Variants in HSPA12A observed in about 807,000 individuals in gnomAD.
The protein encoded by HSPA12A is heat shock 70 kDa protein 12A.
Under a neutral mutation model 69.2 loss-of-function variants are expected in HSPA12A, and 28 were observed. That is an observed-to-expected ratio of 0.40 (90% CI 0.30 to 0.55). HSPA12A has a LOEUF of 0.55. HSPA12A is among the 20% of genes least tolerant of loss of function. HSPA12A has a pLI of 0.38. For synonymous variants in HSPA12A, 345 were observed against 370.5 expected (o/e 0.93, Z 0.79); for missense variants, 686 against 900.7 (o/e 0.76, Z 3.05).
At chr10:116,820,392 T>C (rs1845389736) in intron 2 of HSPA12A, among the ~76,000 whole-genome samples, 1 of 152,052 alleles carries the variant, frequency 6.6e-6, no homozygotes, top group Admixed American at 6.5e-5. Flanking sequence ...GATCACCTGG[T>C]CAGGGATGCG....
chr10:116,686,389 T>G lies in HSPA12A; in HGVS notation c.664-2427A>C, dbSNP rs1849576655. 5.9e-5 allele frequency among the ~76,000 whole-genome samples: 9 copies of G among 152,068 alleles called. No individual in the cohort carries two copies. The highest frequency in any genetic ancestry group is 5.9e-4 in the Admixed American group (9 of 15,272). On this transcript the variant is annotated intron_variant, in intron 6 of 11. Coordinates refer to ENST00000369209, the MANE Select transcript of HSPA12A (RefSeq NM_025015.3). This position sits in a 1 kb window ranked among gnomAD's most constrained non-coding sequence, Gnocchi z 4.1. The stretch of plus-strand genomic sequence containing the variant: ...AGCATAGAAGGTCCAAGGGGGAAGC[T>G]TCCACAAAACGGGGTGAGGAAGAAG...
chr10:116,707,896 T>C (rs1850307773), intron 1 of HSPA12A: 1 of 154,516 alleles, frequency 6.5e-6, no homozygotes, highest in Admixed American at 6.3e-5. Context: ...GGGACCTTTT[T>C]CAATCATAAA....
intron 2 of HSPA12A, among the ~76,000 whole-genome samples, chr10:116,772,764 G>A (rs1435899985): frequency 1.3e-5 from 2 of 151,684 alleles, no homozygotes; most frequent in African/African-American, 2.4e-5. Flanking sequence ...GTGTGATCAC[G>A]GCTCACTGCA....
At chr10:116,760,456 C>T (rs1185710938) in intron 2 of HSPA12A, among the ~76,000 whole-genome samples, 1 of 152,124 alleles carries the variant, frequency 6.6e-6, no homozygotes, top group Non-Finnish European at 1.5e-5. Context: ...GCTGTGTGAC[C>T]TTAAATAAGT....
At position 116,719,867 on chromosome 10, in the gene HSPA12A, G is replaced by C. The variant is rs542635872; in HGVS notation, c.41-12582C>G. Among the ~76,000 whole-genome samples the C allele has an allele frequency of 6.7e-4, 102 of 152,264 alleles. 2 individuals carry two copies. The South Asian group carries it at 0.02, about 30-fold the overall frequency. On this transcript the variant is annotated intron_variant, in intron 1 of 11. Coordinates refer to ENST00000369209, the MANE Select transcript of HSPA12A (RefSeq NM_025015.3). ...CCTGTCACCAGTGCCTGAGCTCCTT[G>C]TCTCTACCACATTCCAGCCCTGAGG...
At chr10:116,749,224 A>G (rs781818775) in intron 2 of HSPA12A, among the ~76,000 whole-genome samples, 10 of 152,192 alleles carry the variant, frequency 6.6e-5, no homozygotes, top group Non-Finnish European at 1.5e-4. Flanking sequence ...ATGGCTTTAA[A>G]GTCATTTTGC....
In HSPA12A at chr10:116,825,119, C is replaced by T. The variant is rs182046137; in HGVS notation, c.91+9816G>A. ...GGGGAATCACTTGGGCCTGGGAGGCCGAAGCTGCAGCGAGCTGTGATTGCA... is the reference window on the plus strand; with the variant it reads ...GGGGAATCACTTGGGCCTGGGAGGCTGAAGCTGCAGCGAGCTGTGATTGCA... On this transcript the variant is annotated intron_variant, in intron 2 of 12. Coordinates refer to the HSPA12A transcript ENST00000635765. Among the ~76,000 whole-genome samples the T allele has an allele frequency of 2.0e-3, 301 of 149,620 alleles. 1 individual carries two copies. Among genetic ancestry groups the T allele is most frequent in the African/African-American group, 6.6e-3 (267 of 40,686 alleles).
intron 6 of HSPA12A, among the ~76,000 whole-genome samples, chr10:116,690,993 C>T (rs1554880094): frequency 6.6e-6 from 1 of 152,206 alleles, no homozygotes; most frequent in African/African-American, 2.4e-5. Flanking sequence ...TGGGCCCTGC[C>T]GGAAGGCTGA....
chr10:116,744,650 C>A (rs1303484312), upstream of HSPA12A, among the ~76,000 whole-genome samples: 1 of 152,246 alleles, frequency 6.6e-6, no homozygotes, highest in Non-Finnish European at 1.5e-5. Flanking sequence ...TTTGCCCTCA[C>A]GGCCTTCATG....
chr10:116,839,871 A>G (rs1845777334), intron 1 of HSPA12A, among the ~76,000 whole-genome samples: 1 of 151,824 alleles, frequency 6.6e-6, no homozygotes, highest in Non-Finnish European at 1.5e-5. Flanking sequence ...TGTTTGATAT[A>G]CCAGCCAGGG....
chr10:116,744,925 A>G (rs1851616054), upstream of HSPA12A, among the ~76,000 whole-genome samples: 1 of 152,046 alleles, frequency 6.6e-6, no homozygotes, highest in African/African-American at 2.4e-5. Context: ...CCAGAGAGAG[A>G]GCATGTCATT....
chr10:116,783,127 G>A (rs1844499989), intron 2 of HSPA12A, among the ~76,000 whole-genome samples: 1 of 152,226 alleles, frequency 6.6e-6, no homozygotes, highest in South Asian at 2.1e-4. Context: ...GGCAAACTGA[G>A]GCTCTGAAAG....
intron 2 of HSPA12A, among the ~76,000 whole-genome samples, chr10:116,803,097 C>T (rs909744167): frequency 2.0e-5 from 3 of 152,230 alleles, no homozygotes; most frequent in African/African-American, 7.2e-5. Flanking sequence ...TGAAAGCTGA[C>T]GCAGGCGCCA....
intron 2 of HSPA12A, among the ~76,000 whole-genome samples, chr10:116,816,453 C>A (rs74477372): frequency 6.6e-6 from 1 of 152,190 alleles, no homozygotes; most frequent in African/African-American, 2.4e-5. Context: ...ACCTTTTCTC[C>A]GAGGCCTGGA....
intron 7 of HSPA12A, among the ~76,000 whole-genome samples, chr10:116,682,705 A>ATT (rs372889664): frequency 6.6e-6 from 1 of 150,998 alleles, no homozygotes; most frequent in Non-Finnish European, 1.5e-5. Flanking sequence ...AGTTCCCACA[A>ATT]TTTTTTTTTC....
intron 5 of HSPA12A, among the ~76,000 whole-genome samples, chr10:116,696,012 A>AAAAAAAAAAAAAAAAAAAAC (rs1849890493): frequency 6.8e-6 from 1 of 146,470 alleles, no homozygotes; most frequent in Non-Finnish European, 1.5e-5. Flanking sequence ...CAAAAAAAAA[A>AAAAAAAAAAAAAAAAAAAAC]AAAAAAAAAA....
chr10:116,846,847 A>G (rs899534808), intron 1 of HSPA12A, among the ~76,000 whole-genome samples: 3 of 152,156 alleles, frequency 2.0e-5, no homozygotes, highest in African/African-American at 7.2e-5. Context: ...TATATGAAAC[A>G]TTCCCAAAAG....
intron 5 of HSPA12A, among the ~76,000 whole-genome samples, chr10:116,696,345 G>A (rs1194377601): frequency 6.6e-6 from 1 of 152,118 alleles, no homozygotes; most frequent in African/African-American, 2.4e-5. Context: ...GGGCCAGGTG[G>A]AGATAACTGA....
intron 1 of HSPA12A, among the ~76,000 whole-genome samples, chr10:116,722,420 G>A (rs557710103): frequency 2.6e-5 from 4 of 152,088 alleles, no homozygotes; most frequent in African/African-American, 4.8e-5. Flanking sequence ...CCTGCCTCTC[G>A]CTCTCTCTCC....
Sources: gnomAD v4.1 joint callset for allele counts (sites outside exome capture counted in the v4.1 genomes callset) on GRCh38, gnomAD v4.1.1 for gene constraint, Gnocchi (gnomAD v3.1) non-coding constraint, MANE v1.5 for transcripts, NCBI Gene and HGNC (gene_info 2026-07-23, HGNC 2026-07-21) for gene names.